The following HYCC2 variants were observed in gnomAD, a reference collection of about 807,000 sequenced individuals.
The protein encoded by HYCC2 is hyccin 2.
chr2:201,042,119 A>C, the HYCC2 span, among the ~76,000 whole-genome samples: 1 of 151,988 alleles, frequency 6.6e-6, no homozygotes, highest in Non-Finnish European at 1.5e-5. Flanking sequence ...GCCACACCTG[A>C]CTGGTTTTCG....
the HYCC2 span, among the ~76,000 whole-genome samples, chr2:201,010,414 A>G: frequency 6.6e-5 from 10 of 152,346 alleles, no homozygotes; most frequent in East Asian, 1.9e-3. Flanking sequence ...CTCACGACTT[A>G]GTGTAGTGGC....
At chr2:200,982,979 G>A in the HYCC2 span, among the ~76,000 whole-genome samples, 122 of 152,056 alleles carry the variant, frequency 8.0e-4, 2 homozygotes, top group East Asian at 0.014. Flanking sequence ...GCTGGTCTCC[G>A]ACTCCTGACC....
the HYCC2 span, among the ~76,000 whole-genome samples, chr2:200,989,651 A>G: frequency 4.5e-4 from 68 of 151,968 alleles, no homozygotes; most frequent in Non-Finnish European, 6.0e-4. Context: ...CGTCTCCACA[A>G]AAAAATACGA....
chr2:201,026,294 G>A, the HYCC2 span, among the ~76,000 whole-genome samples: 1 of 152,134 alleles, frequency 6.6e-6, no homozygotes, highest in Admixed American at 6.5e-5. Context: ...CCCAATACAG[G>A]AGCAGCCAGA....
chr2:201,016,899 C>A, the HYCC2 span: 40 of 1,335,916 alleles, frequency 3.0e-5, no homozygotes, highest in Middle Eastern at 2.1e-4. Context: ...CTGCGCCTGG[C>A]CAATTTATTT....
chr2:201,006,426 C>T, the HYCC2 span, among the ~76,000 whole-genome samples: 1 of 151,884 alleles, frequency 6.6e-6, no homozygotes, highest in South Asian at 2.1e-4. Context: ...CAGGCATGAG[C>T]CGCACCTGGC....
the HYCC2 span, among the ~76,000 whole-genome samples, chr2:201,062,254 C>T: frequency 6.6e-6 from 1 of 151,964 alleles, no homozygotes; most frequent in African/African-American, 2.4e-5. Flanking sequence ...CATGGTGGCT[C>T]CAGCCTGTAA....
chr2:201,061,226 C>T, the HYCC2 span: 2 of 151,910 alleles, frequency 1.3e-5, no homozygotes, highest in Non-Finnish European at 2.9e-5. Flanking sequence ...CACCTGAGGT[C>T]AGGAGTTCGA....
the HYCC2 span, among the ~76,000 whole-genome samples, chr2:201,012,287 C>T: frequency 6.6e-6 from 1 of 152,022 alleles, no homozygotes; most frequent in African/African-American, 2.4e-5. Context: ...TGGCAAAACC[C>T]CATCTCTACA....
At chr2:201,050,261 G>C in the HYCC2 span, among the ~76,000 whole-genome samples, 1 of 148,892 alleles carries the variant, frequency 6.7e-6, no homozygotes, top group African/African-American at 2.5e-5. Context: ...AACCATGTCA[G>C]TATAAAACGG....
chr2:201,066,469 G>T, the HYCC2 span, among the ~76,000 whole-genome samples: 3 of 152,064 alleles, frequency 2.0e-5, no homozygotes, highest in Non-Finnish European at 4.4e-5. Context: ...CATTTAAAAA[G>T]TATAAACTAA....
At chr2:201,017,141 A>C in the HYCC2 span, 1 of 1,613,878 alleles carries the variant, frequency 6.2e-7, no homozygotes, top group Admixed American at 1.7e-5. Context: ...GATAGAGCTC[A>C]AACAGCTGAT....
chr2:201,009,384 C>A, the HYCC2 span: 1 of 242,922 alleles, frequency 4.1e-6, no homozygotes, highest in African/African-American at 2.2e-5. Flanking sequence ...AAAAATACAT[C>A]CATTTTAATG....
the HYCC2 span, among the ~76,000 whole-genome samples, chr2:201,043,988 G>A: frequency 6.6e-6 from 1 of 152,128 alleles, no homozygotes; most frequent in Non-Finnish European, 1.5e-5. Flanking sequence ...CTGAATAGCT[G>A]AGATTACAGC....
the HYCC2 span, among the ~76,000 whole-genome samples, chr2:201,036,016 G>A: frequency 1.3e-5 from 2 of 152,022 alleles, no homozygotes; most frequent in Non-Finnish European, 2.9e-5. Flanking sequence ...GTCCCTACTG[G>A]GGGGGTGCCT....
chr2:201,061,700 C>A, the HYCC2 span, among the ~76,000 whole-genome samples: 5 of 150,914 alleles, frequency 3.3e-5, no homozygotes, highest in African/African-American at 1.2e-4. Context: ...TCAGAAAAAT[C>A]TTTTCACAAA....
the HYCC2 span, among the ~76,000 whole-genome samples, chr2:200,993,280 G>A: frequency 1.2e-4 from 19 of 152,030 alleles, no homozygotes; most frequent in African/African-American, 2.4e-4. Flanking sequence ...CATCTCTTTC[G>A]CAATCATCCT....
the HYCC2 span, chr2:201,022,754 T>G: frequency 1.1e-6 from 1 of 916,102 alleles, no homozygotes; most frequent in East Asian, 3.0e-5. Flanking sequence ...AAGAAAATTA[T>G]AAAACTTAAA....
chr2:201,030,504 A>T, the HYCC2 span, among the ~76,000 whole-genome samples: 5 of 152,062 alleles, frequency 3.3e-5, no homozygotes, highest in Non-Finnish European at 7.4e-5. Context: ...TCATATGTTC[A>T]CATCATATAT....
Sources: allele counts gnomAD v4.1 joint callset (sites outside exome capture counted in the v4.1 genomes callset), GRCh38; gene constraint gnomAD v4.1.1; transcripts MANE v1.5; gene names NCBI Gene and HGNC (gene_info 2026-07-23, HGNC 2026-07-21).